The following SYNPO2 variants were observed in gnomAD, a reference collection of about 807,000 sequenced individuals.
SYNPO2 encodes synaptopodin-2.
SYNPO2 carries 56 observed loss-of-function variants against 85.0 expected under a neutral mutation model. That is an observed-to-expected ratio of 0.66 (90% CI 0.53 to 0.82). SYNPO2 has a LOEUF of 0.82. SYNPO2 is among the 40% of genes least tolerant of loss of function. SYNPO2 has a pLI of 0.00. For synonymous variants in SYNPO2, 602 were observed against 591.1 expected, an observed-to-expected ratio of 1.02 and a Z score of -0.27; for missense variants, 1,575 against 1,534.2, an observed-to-expected ratio of 1.03 and a Z score of -0.44.
intron 2 of SYNPO2, 69 bp from the exon 3 acceptor site, chr4:119,026,558 G>C: frequency 6.8e-7 from 1 of 1,476,956 alleles, no homozygotes; most frequent in Non-Finnish European, 9.1e-7. Context: ...TCACAAAAGT[G>C]TCAGGAAGTT....
At chr4:118,977,823 T>C (rs1443964819) in intron 1 of SYNPO2, among the ~76,000 whole-genome samples, 1 of 152,224 alleles carries the variant, frequency 6.6e-6, no homozygotes, top group Non-Finnish European at 1.5e-5. Flanking sequence ...GTGTTAGCAA[T>C]CCCACTTTTG....
intron 4 of SYNPO2, chr4:119,038,069 A>G (rs921976531): frequency 2.3e-6 from 2 of 871,432 alleles, no homozygotes; most frequent in Non-Finnish European, 2.8e-6. Context: ...GCTTATAAGC[A>G]GTGGATTAGG....
chr4:118,864,099 A>G (rs1020523881), intron 1 of SYNPO2, among the ~76,000 whole-genome samples: 7 of 138,388 alleles, frequency 5.1e-5, no homozygotes, highest in Admixed American at 2.8e-4. Flanking sequence ...ATAGCTATAA[A>G]CTTTCCTCTT....
chr4:119,010,682 T>C (rs1737262139), intron 1 of SYNPO2, among the ~76,000 whole-genome samples: 1 of 152,242 alleles, frequency 6.6e-6, no homozygotes, highest in Non-Finnish European at 1.5e-5. Context: ...TAAATTATCA[T>C]GTTGGGTTGT....
Position 119,023,453 on chromosome 4 carries a change from T to C in SYNPO2, c.129T>C (p.Ser43=), listed in dbSNP as rs1174879287. Residue 43 remains serine, a synonymous_variant, in exon 2 of 5, where the codon TCT becomes TCC. Coordinates refer to ENST00000307142, the MANE Select transcript of SYNPO2 (RefSeq NM_133477.3). ...AGATTCGAAATCAGAGCAAAGCCTC[T>C]GGGTCTGGGCTCTGTGAGGGAGATG... is the stretch of plus-strand genomic sequence containing the variant. ...VAKIRNQSKA[S]GSGLCEGDEV... is the part of the protein sequence containing the mutation. 3.1e-6 allele frequency: 5 copies of C among 1,612,732 alleles called. No individual in the cohort carries two copies. In the South Asian group the frequency reaches 5.5e-5, roughly 18 times the overall value.
At chr4:118,862,808 T>C in intron 1 of SYNPO2, among the ~76,000 whole-genome samples, 1 of 152,076 alleles carries the variant, frequency 6.6e-6, no homozygotes, top group Non-Finnish European at 1.5e-5. Flanking sequence ...TTTCTTTCTT[T>C]TTTTTTTCTT....
chr4:119,016,805 A>G (rs948039341), intron 1 of SYNPO2, among the ~76,000 whole-genome samples: 1 of 152,202 alleles, frequency 6.6e-6, no homozygotes, highest in African/African-American at 2.4e-5. Context: ...CTGCTTTATA[A>G]CAGCTCATAG....
chr4:119,000,460 C>G (rs1489871773), intron 1 of SYNPO2, among the ~76,000 whole-genome samples: 1 of 152,196 alleles, frequency 6.6e-6, no homozygotes, highest in Non-Finnish European at 1.5e-5. Context: ...TCATGTAAAA[C>G]AGCAGAAGAC....
intron 4 of SYNPO2, among the ~76,000 whole-genome samples, chr4:119,048,347 G>T (rs1312371317): frequency 6.6e-6 from 1 of 152,172 alleles, no homozygotes; most frequent in African/African-American, 2.4e-5. Context: ...ACAGCCTGAT[G>T]TAGAAATTAT....
chr4:118,981,956 C>T (rs1482721341), intron 1 of SYNPO2, among the ~76,000 whole-genome samples: 2 of 152,148 alleles, frequency 1.3e-5, no homozygotes, highest in East Asian at 3.9e-4. Context: ...TATTCTCAGA[C>T]TAGACCACTT....
At chr4:119,011,519 G>A (rs1364532840) in intron 1 of SYNPO2, among the ~76,000 whole-genome samples, 2 of 152,124 alleles carry the variant, frequency 1.3e-5, no homozygotes, top group African/African-American at 4.8e-5. Context: ...TTCAATGGGA[G>A]CAAATCTTTT....
At chr4:119,054,886 C>A (rs1174634084) in intron 4 of SYNPO2, among the ~76,000 whole-genome samples, 1 of 152,140 alleles carries the variant, frequency 6.6e-6, no homozygotes, top group African/African-American at 2.4e-5. Flanking sequence ...CTGCCTCTAT[C>A]ATAATCAAAG....
chr4:118,903,907 G>A (rs1215422644), intron 1 of SYNPO2, among the ~76,000 whole-genome samples: 1 of 151,974 alleles, frequency 6.6e-6, no homozygotes, highest in Admixed American at 6.6e-5. Flanking sequence ...GTTTCAACAA[G>A]GGGTTTCACC....
At chr4:118,994,007 A>C (rs1459850650) in intron 1 of SYNPO2, among the ~76,000 whole-genome samples, 1 of 152,222 alleles carries the variant, frequency 6.6e-6, no homozygotes, top group East Asian at 1.9e-4. Flanking sequence ...GAGCTGATTA[A>C]TAGTTCCTTT....
chr4:119,046,858 T>C (rs941008206), intron 4 of SYNPO2, among the ~76,000 whole-genome samples: 1 of 152,310 alleles, frequency 6.6e-6, no homozygotes, highest in South Asian at 2.1e-4. Context: ...AGCCTTACGC[T>C]TTCTCACAAA....
At chr4:118,958,616 G>A (rs1334448222) in intron 1 of SYNPO2, among the ~76,000 whole-genome samples, 1 of 142,436 alleles carries the variant, frequency 7.0e-6, no homozygotes, top group Non-Finnish European at 1.6e-5. Context: ...TGGATGGGAT[G>A]ATGATCCTGA....
intron 4 of SYNPO2, among the ~76,000 whole-genome samples, chr4:119,050,178 A>G (rs1036063379): frequency 6.6e-6 from 1 of 152,090 alleles, no homozygotes; most frequent in African/African-American, 2.4e-5. Flanking sequence ...CTAAAAGTAC[A>G]AAAATTAGCC....
intron 4 of SYNPO2, chr4:119,034,243 A>G (rs1375429306): frequency 2.0e-6 from 2 of 985,356 alleles, no homozygotes; most frequent in Non-Finnish European, 2.4e-6. Flanking sequence ...TGCATTCTTA[A>G]CATAGCATTT....
chr4:118,988,312 GTT>G (rs373738381), intron 1 of SYNPO2, among the ~76,000 whole-genome samples: 2 of 143,744 alleles, frequency 1.4e-5, no homozygotes, highest in Non-Finnish European at 1.5e-5. Flanking sequence ...ATAATTTAGT[GTT>G]TTTTTTTTTT....
Sources: allele counts gnomAD v4.1 joint callset (sites outside exome capture counted in the v4.1 genomes callset), GRCh38; gene constraint gnomAD v4.1.1; transcripts MANE v1.5; gene names NCBI Gene and HGNC (gene_info 2026-07-23, HGNC 2026-07-21).